The following TMC1 variants were observed in gnomAD, a reference collection of about 807,000 sequenced individuals.
TMC1 encodes the protein transmembrane channel-like protein 1.
In TMC1, 84 loss-of-function variants were observed where a neutral mutation model predicts 105.8. The observed-to-expected ratio is 0.79, with a 90% CI of 0.67 to 0.95. The LOEUF (loss-of-function observed/expected upper bound fraction) is 0.95. TMC1 is among the 40% of genes least tolerant of loss of function. The pLI is 0.00. For synonymous variants in TMC1, 315 were observed against 311.5 expected (o/e 1.01, Z -0.12); for missense variants, 817 against 914.1 (o/e 0.89, Z 1.37).
chr9:72,750,392 A>G (rs772333900), intron 10 of TMC1, among the ~76,000 whole-genome samples: 7 of 152,218 alleles, frequency 4.6e-5, no homozygotes, highest in Non-Finnish European at 8.8e-5. Flanking sequence ...GCAACTGACA[A>G]TGATAATTTG....
At position 72,651,885 on chromosome 9, in the gene TMC1, T is replaced by A. The variant is rs186074501; in HGVS notation, c.16+3221T>A. On this transcript the variant is annotated intron_variant, in intron 5 of 23. Coordinates refer to ENST00000297784, the MANE Select transcript of TMC1 (RefSeq NM_138691.3). ...CCTAAGCAGGGTACACTATGCCCAA[T>A]GTGTAGTCTCTTATCCCTCACCCCC... Among the ~76,000 whole-genome samples the A allele has an allele frequency of 2.0e-5, 3 of 152,268 alleles. No individual in the cohort carries two copies. The East Asian group carries it at 5.8e-4, about 29-fold the overall frequency.
At chr9:72,662,777 C>A (rs2132162238) in intron 5 of TMC1, among the ~76,000 whole-genome samples, 1 of 152,228 alleles carries the variant, frequency 6.6e-6, no homozygotes, top group Non-Finnish European at 1.5e-5. Flanking sequence ...AATCAGCACT[C>A]CTCCAGAAAT....
chr9:72,832,727 G>T (rs1232597257), intron 23 of TMC1, among the ~76,000 whole-genome samples: 1 of 151,998 alleles, frequency 6.6e-6, no homozygotes, highest in East Asian at 1.9e-4. Context: ...ATGTAAAGTT[G>T]AATGCTGGGT....
chr9:72,558,168 TTCTCTC>T (rs968870403), intron 1 of TMC1, among the ~76,000 whole-genome samples: 1 of 150,660 alleles, frequency 6.6e-6, no homozygotes, highest in Non-Finnish European at 1.5e-5. Context: ...CTTTCTCTCT[TTCTCTC>T]TCTCTCTCTC....
chr9:72,790,156 A>G (rs1259633056), intron 15 of TMC1, among the ~76,000 whole-genome samples: 1 of 152,158 alleles, frequency 6.6e-6, no homozygotes, highest in Non-Finnish European at 1.5e-5. Flanking sequence ...TTTTCAAAGT[A>G]TGTGCAGATT....
chr9:72,611,118 A>G (rs1267478042), intron 2 of TMC1, among the ~76,000 whole-genome samples: 1 of 152,234 alleles, frequency 6.6e-6, no homozygotes, highest in East Asian at 1.9e-4. Flanking sequence ...TATTTATAAG[A>G]TTTAAAATTC....
At chr9:72,579,480 C>T (rs1490437360) in intron 2 of TMC1, among the ~76,000 whole-genome samples, 1 of 152,170 alleles carries the variant, frequency 6.6e-6, no homozygotes, top group Non-Finnish European at 1.5e-5. Context: ...TTCTAAATGG[C>T]TCTCCGGTTG....
At chr9:72,600,952 C>T (rs189109034) in intron 2 of TMC1, among the ~76,000 whole-genome samples, 57 of 152,266 alleles carry the variant, frequency 3.7e-4, no homozygotes, top group African/African-American at 1.3e-3. Flanking sequence ...GGACCACACA[C>T]TGAGAAATAT....
intron 19 of TMC1, among the ~76,000 whole-genome samples, chr9:72,818,436 C>T (rs945999929): frequency 6.6e-6 from 1 of 152,108 alleles, no homozygotes; most frequent in African/African-American, 2.4e-5. Context: ...ATGATGAAAG[C>T]ACAGAATATC....
At chr9:72,537,341 G>A (rs1001868778) in intron 1 of TMC1, among the ~76,000 whole-genome samples, 4 of 152,080 alleles carry the variant, frequency 2.6e-5, no homozygotes, top group African/African-American at 9.7e-5. Context: ...TATCTCTCTA[G>A]CAAGTGTTTG....
chr9:72,713,589 G>C (rs1422401747), intron 8 of TMC1, among the ~76,000 whole-genome samples: 1 of 152,154 alleles, frequency 6.6e-6, no homozygotes, highest in Non-Finnish European at 1.5e-5. Context: ...TCTGATGGTA[G>C]TTTGTATTTC....
At position 72,764,054 on chromosome 9, in the gene TMC1, A is replaced by G. The variant is rs1342094474; in HGVS notation, c.742-8359A>G. Among the ~76,000 whole-genome samples the G allele has an allele frequency of 5.9e-5, 9 of 152,230 alleles. 1 individual carries two copies. Among genetic ancestry groups the G allele is most frequent in the Admixed American group, 5.9e-4 (9 of 15,286 alleles). ...CATTGAGTTAGGTTAGAACTTCACAATGCATTAAATTATAGTCAATAATTT... is the reference window on the plus strand; with the variant it reads ...CATTGAGTTAGGTTAGAACTTCACAGTGCATTAAATTATAGTCAATAATTT... On this transcript the variant is annotated intron_variant, in intron 12 of 23. Transcript: ENST00000297784.
intron 12 of TMC1, among the ~76,000 whole-genome samples, chr9:72,772,139 A>G (rs527920662): frequency 5.9e-5 from 9 of 152,282 alleles, no homozygotes; most frequent in Admixed American, 5.9e-4. Flanking sequence ...ATCAAAGGGC[A>G]TTTCACGGTA....
intron 2 of TMC1, among the ~76,000 whole-genome samples, chr9:72,598,342 C>G (rs902299484): frequency 1.5e-5 from 2 of 136,752 alleles, no homozygotes; most frequent in Non-Finnish European, 3.2e-5. Context: ...GGGGCCCATA[C>G]AGAGACTTAT....
chr9:72,822,684 G>A (rs957561916), intron 20 of TMC1, among the ~76,000 whole-genome samples: 1 of 152,122 alleles, frequency 6.6e-6, no homozygotes, highest in Admixed American at 6.5e-5. Context: ...CAAAGTTCAA[G>A]GAATATGCCA....
chr9:72,732,530 A>G (rs1827229152), intron 8 of TMC1, among the ~76,000 whole-genome samples: 1 of 150,298 alleles, frequency 6.7e-6, no homozygotes, highest in East Asian at 1.9e-4. Flanking sequence ...GCACCACTGC[A>G]CTCCAGCCTG....
intron 5 of TMC1, among the ~76,000 whole-genome samples, chr9:72,679,905 T>A (rs1458985027): frequency 6.6e-6 from 1 of 152,118 alleles, no homozygotes; most frequent in Non-Finnish European, 1.5e-5. Flanking sequence ...CTCCATTAAA[T>A]GGCAAAACAA....
chr9:72,638,202 A>G (rs1207435167), intron 4 of TMC1, among the ~76,000 whole-genome samples: 2 of 151,668 alleles, frequency 1.3e-5, no homozygotes, highest in African/African-American at 4.8e-5. Context: ...TTCTCTACCT[A>G]TTATTCCTTT....
chr9:72,613,549 CTCTTTTAGCAAAACCTATCTCT>C (rs1825072468), intron 2 of TMC1, among the ~76,000 whole-genome samples: 3 of 152,176 alleles, frequency 2.0e-5, no homozygotes, highest in Admixed American at 2.0e-4. Context: ...GTATTCATAC[CTCTTTTAGCAAAACCTATCTCT>C]TCTTGGATTT....
Sources: allele counts gnomAD v4.1 joint callset (sites outside exome capture counted in the v4.1 genomes callset), GRCh38; gene constraint gnomAD v4.1.1; transcripts MANE v1.5; gene names NCBI Gene and HGNC (gene_info 2026-07-23, HGNC 2026-07-21).